MARCHF6: variants seen among roughly 807,000 people sequenced by gnomAD.
MARCHF6 encodes membrane associated ring-CH-type finger 6.
In MARCHF6, 31 loss-of-function variants were observed where a neutral mutation model predicts 133.7. That is an observed-to-expected ratio of 0.23 (90% CI 0.17 to 0.31). MARCHF6 has a LOEUF of 0.31. MARCHF6 is among the 10% of genes least tolerant of loss of function. MARCHF6 has a pLI of 1.00. For missense variants in MARCHF6, 723 were observed against 1,121.6 expected (o/e 0.64, Z 5.08); for synonymous variants, 395 against 402.5 (o/e 0.98, Z 0.22).
chr5:10,421,332 A>G (rs374509280), intron 22 of MARCHF6, among the ~76,000 whole-genome samples: 6 of 152,350 alleles, frequency 3.9e-5, no homozygotes, highest in East Asian at 1.9e-4. Flanking sequence ...CAGCAATTGA[A>G]AAAATGAAGT....
chr5:10,370,907 A>G (rs952844369), intron 1 of MARCHF6, among the ~76,000 whole-genome samples: 1 of 152,208 alleles, frequency 6.6e-6, no homozygotes, highest in Non-Finnish European at 1.5e-5. Flanking sequence ...GTGGGAGAAT[A>G]TGATAAAGTT....
chr5:10,387,800 A>G (rs1271330182), intron 5 of MARCHF6, among the ~76,000 whole-genome samples: 2 of 152,054 alleles, frequency 1.3e-5, no homozygotes, highest in Non-Finnish European at 2.9e-5. Flanking sequence ...AGCTGGGATT[A>G]CAAGCATGTG....
At position 10,408,675 on chromosome 5, in the gene MARCHF6, A is replaced by G. The variant is rs533242541; in HGVS notation, c.1554-1464A>G. On this transcript the variant is annotated intron_variant, in intron 17 of 25. Transcript: ENST00000274140. ...CACTTCAGCGTCCCGGGTAGCTGAG[A>G]CTACAGGCGCAAGCCACCACACCTG... is the stretch of plus-strand genomic sequence containing the variant. Among the ~76,000 whole-genome samples, 14 of 152,242 alleles carry G rather than the reference A, an allele frequency of 9.2e-5. No homozygotes were observed. The South Asian group carries it at 1.2e-3, about 14-fold the overall frequency.
chr5:10,411,642 G>A, intron 19 of MARCHF6, 105 bp downstream of exon 19: 1 of 785,954 alleles, frequency 1.3e-6, no homozygotes, highest in Non-Finnish European at 1.9e-6. Flanking sequence ...CCTCTGTGTA[G>A]ACATGTTCCA....
Position 10,407,965 on chromosome 5 carries a change from C to A in MARCHF6, c.1553+763C>A, listed in dbSNP as rs376837029. On this transcript the variant is annotated intron_variant, in intron 17 of 25. Transcript: ENST00000274140. ...GAGTGAAACTGCATCCCCCCCCCCC[C>A]AAAAAAAAAAGCCATCCGGAAACCT... Among the ~76,000 whole-genome samples, 517 of 97,602 alleles carry A rather than the reference C, an allele frequency of 5.3e-3. 4 individuals carry two copies. Among genetic ancestry groups the A allele is most frequent in the East Asian group, 0.013 (24 of 1,874 alleles). The allele number at this position is 97,602 out of a possible 152,430, so 64.0% of individuals were successfully genotyped here.
intron 1 of MARCHF6, among the ~76,000 whole-genome samples, chr5:10,369,429 TTTG>T (rs1736326916): frequency 6.6e-6 from 1 of 151,988 alleles, no homozygotes; most frequent in African/African-American, 2.4e-5. Context: ...TTCTTTCTTA[TTTG>T]TTCTTTCTTC....
intron 25 of MARCHF6, among the ~76,000 whole-genome samples, chr5:10,430,286 T>C (rs1455145284): frequency 7.2e-6 from 1 of 138,726 alleles, no homozygotes; most frequent in African/African-American, 2.7e-5. Flanking sequence ...GAGAGGGAGG[T>C]TTTTTTTTTT....
intron 19 of MARCHF6, among the ~76,000 whole-genome samples, chr5:10,413,615 ACT>A (rs1441046415): frequency 6.6e-6 from 1 of 152,198 alleles, no homozygotes; most frequent in Non-Finnish European, 1.5e-5. Flanking sequence ...GGTTTAATTG[ACT>A]CATAGCATTC....
At chr5:10,366,607 A>AGGAAGAAAAAAGG (rs1306787663) in intron 1 of MARCHF6, among the ~76,000 whole-genome samples, 1 of 152,220 alleles carries the variant, frequency 6.6e-6, no homozygotes, top group East Asian at 1.9e-4. Context: ...AAACTTTTAA[A>AGGAAGAAAAAAGG]GGAAGAAAAA....
intron 5 of MARCHF6, among the ~76,000 whole-genome samples, chr5:10,389,987 A>G (rs2126726786): frequency 6.6e-6 from 1 of 152,302 alleles, no homozygotes; most frequent in East Asian, 1.9e-4. Context: ...CAAGTGTTAG[A>G]CTGCTTTTGT....
chr5:10,424,834 A>G lies in MARCHF6; in HGVS notation c.2373+1010A>G, dbSNP rs1740001786. Among the ~76,000 whole-genome samples, 3 of 152,228 alleles carry G rather than the reference A, an allele frequency of 2.0e-5. No homozygotes were observed. The South Asian group carries it at 6.2e-4, about 32-fold the overall frequency. On this transcript the variant is annotated intron_variant, in intron 23 of 25. Coordinates refer to ENST00000274140, the MANE Select transcript of MARCHF6 (RefSeq NM_005885.4). ...TAGTACCTAAGACTATTATTGTATT[A>G]CAGAACTGCCAGATAATTTGATTGT... is the stretch of plus-strand genomic sequence containing the variant.
At chr5:10,401,047 C>CT in intron 11 of MARCHF6, 1 of 508,770 alleles carries the variant, frequency 2.0e-6, no homozygotes, top group Non-Finnish European at 3.5e-6. Flanking sequence ...AAAATGTGCT[C>CT]TGAAATCCAG....
Position 10,415,651 on chromosome 5 carries a change from TAA to T in MARCHF6, c.2132_2133del (p.Lys711ArgfsTer29). The part of the protein sequence containing the change: ...QGRRVIFQKV[K>X]EWSLMIMKTL... ...GACGCAGAGTGATCTTCCAGAAGGT[TAA>T]AGAGTGGTCTCTCATGGTATGTGTG... On this transcript the variant is annotated frameshift_variant, in exon 21 of 26. Coordinates refer to ENST00000274140, the MANE Select transcript of MARCHF6 (RefSeq NM_005885.4). LOFTEE classifies it high-confidence loss of function. The T allele has an allele frequency of 6.2e-7, 1 of 1,614,096 alleles. No individual in the cohort carries two copies. The highest frequency in any genetic ancestry group is 8.5e-7 in the Non-Finnish European group (1 of 1,179,980).
chr5:10,433,013 C>G (rs918577853), intron 25 of MARCHF6, among the ~76,000 whole-genome samples: 2 of 149,808 alleles, frequency 1.3e-5, no homozygotes, highest in Non-Finnish European at 3.0e-5. Flanking sequence ...AGCAGTTCTT[C>G]TGCCTCAGCC....
chr5:10,418,509 A>G (rs1739651861), intron 22 of MARCHF6, among the ~76,000 whole-genome samples: 1 of 152,186 alleles, frequency 6.6e-6, no homozygotes, highest in African/African-American at 2.4e-5. Context: ...TTAACATCAT[A>G]GAATTAAGAT....
intron 5 of MARCHF6, among the ~76,000 whole-genome samples, chr5:10,390,007 C>G (rs940838318): frequency 1.3e-5 from 2 of 152,036 alleles, no homozygotes; most frequent in African/African-American, 2.4e-5. Context: ...TCTTTTTTTG[C>G]GTGCTGCCTT....
chr5:10,404,549 C>T (rs1359408079), intron 15 of MARCHF6, among the ~76,000 whole-genome samples: 4 of 152,154 alleles, frequency 2.6e-5, no homozygotes, highest in Admixed American at 6.5e-5. Context: ...AGGCACAATT[C>T]CTGTTCTCCT....
At chr5:10,399,600 A>G (rs971435015) in intron 10 of MARCHF6, among the ~76,000 whole-genome samples, 3 of 152,198 alleles carry the variant, frequency 2.0e-5, no homozygotes, top group Non-Finnish European at 4.4e-5. Context: ...GGTTTTAAAA[A>G]TACTTTCATA....
intron 7 of MARCHF6, among the ~76,000 whole-genome samples, 157 bp from the exon 8 acceptor site, chr5:10,393,925 G>T (rs1579571912): frequency 6.6e-6 from 1 of 151,850 alleles, no homozygotes; most frequent in Admixed American, 6.6e-5. Context: ...ATTCTTATTT[G>T]TTCCCTGACA....
Sources: gnomAD v4.1 joint callset for allele counts (sites outside exome capture counted in the v4.1 genomes callset) on GRCh38, gnomAD v4.1.1 for gene constraint, MANE v1.5 for transcripts, NCBI Gene and HGNC (gene_info 2026-07-23, HGNC 2026-07-21) for gene names.